Variants in DYNLT1 observed in about 807,000 individuals in gnomAD.
DYNLT1 encodes T-complex testis-specific protein 1 homolog.
In DYNLT1, 18 loss-of-function variants were observed where a neutral mutation model predicts 19.6. That is an observed-to-expected ratio of 0.92 (90% CI 0.64 to 1.36). DYNLT1 has a LOEUF of 1.36. Among genes scored for constraint, DYNLT1 ranks in the 40% most tolerant of loss-of-function variants. The pLI, the probability that DYNLT1 is intolerant of heterozygous loss-of-function variation, is 0.00. For missense variants in DYNLT1, 137 were observed against 139.3 expected (o/e 0.98, Z 0.08); for synonymous variants, 56 against 44.0 (o/e 1.27, Z -1.07).
Position 158,641,335 on chromosome 6 carries a change from CTCACT to C in DYNLT1, c.48_52del (p.Val17GlnfsTer14). 6.3e-7 allele frequency: 1 copy of C among 1,597,394 alleles called. No individual in the cohort carries two copies. ...TCCTCTTACCTCTTTTACAATGTTG[CTCACT>C]TCATCAACAACAAAAGCAGTCTGTA... On this transcript the variant is annotated frameshift_variant, in exon 2 of 5. Coordinates refer to ENST00000367089, the MANE Select transcript of DYNLT1 (RefSeq NM_006519.4). LOFTEE classifies it high-confidence loss of function.
At position 158,644,724 on chromosome 6, in the gene DYNLT1, T is replaced by G. The variant is rs951143108; in HGVS notation, c.-16A>C. 1.9e-6 allele frequency: 3 copies of G among 1,610,628 alleles called. No individual in the cohort carries two copies. The highest frequency in any genetic ancestry group is 2.5e-6 in the Non-Finnish European group (3 of 1,179,648). On this transcript the variant is annotated 5_prime_UTR_variant, in exon 1 of 5. Transcript: ENST00000367089. ...AGTCTTCCATCTTTCCTCCGGCGCG[T>G]CCCCTCCGGCTCCCTGAGTGGCGCG...
intron 2 of DYNLT1, among the ~76,000 whole-genome samples, chr6:158,641,090 T>G (rs1208775057): frequency 6.6e-6 from 1 of 152,250 alleles, no homozygotes; most frequent in Non-Finnish European, 1.5e-5. Context: ...ATCTTGGTGA[T>G]ATGCAGTAAT....
chr6:158,638,466 C>G (rs1193730735), intron 2 of DYNLT1, among the ~76,000 whole-genome samples: 1 of 152,034 alleles, frequency 6.6e-6, no homozygotes, highest in Non-Finnish European at 1.5e-5. Context: ...GTCATGTTGC[C>G]CAGGCTGGAG....
chr6:158,644,718 G>A lies in DYNLT1; in HGVS notation c.-10C>T, dbSNP rs201989338. 1.9e-6 allele frequency: 3 copies of A among 1,611,122 alleles called. No homozygotes were observed. The highest frequency in any genetic ancestry group is 2.2e-5 in the East Asian group (1 of 44,854). On this transcript the variant is annotated 5_prime_UTR_variant, in exon 1 of 5. Transcript: ENST00000367089. ...CCTGGTAGTCTTCCATCTTTCCTCCGGCGCGTCCCCTCCGGCTCCCTGAGT... is the reference window on the plus strand; with the variant it reads ...CCTGGTAGTCTTCCATCTTTCCTCCAGCGCGTCCCCTCCGGCTCCCTGAGT...
At chr6:158,638,835 C>T (rs1396259347) in intron 2 of DYNLT1, among the ~76,000 whole-genome samples, 3 of 152,110 alleles carry the variant, frequency 2.0e-5, no homozygotes, top group Admixed American at 6.6e-5. Context: ...AGCTCATTGT[C>T]GCTGCTCTTG....
intron 2 of DYNLT1, among the ~76,000 whole-genome samples, chr6:158,640,271 T>C (rs1189530979): frequency 1.3e-5 from 2 of 152,244 alleles, no homozygotes; most frequent in African/African-American, 4.8e-5. Context: ...TGGATACTGA[T>C]CACAAACATA....
chr6:158,636,489 T>A lies in DYNLT1; in HGVS notation c.*338A>T, dbSNP rs1051063488. ...CACAACAGACTTTAGATTTGAATAATTTATTCTAACAAAAGTATAAAGTAT... is the reference window on the plus strand; with the variant it reads ...CACAACAGACTTTAGATTTGAATAAATTATTCTAACAAAAGTATAAAGTAT... On this transcript the variant is annotated 3_prime_UTR_variant, in exon 5 of 5. Transcript: ENST00000367089. 1.5e-5 allele frequency: 4 copies of A among 270,090 alleles called. No individual in the cohort carries two copies. Among genetic ancestry groups the A allele is most frequent in the Non-Finnish European group, 2.9e-5 (4 of 136,408 alleles). 16.7% of individuals were successfully genotyped at this position (270,090 alleles called of 1,614,324 possible).
At chr6:158,644,252 A>G (rs896756994) in intron 1 of DYNLT1, among the ~76,000 whole-genome samples, 48 of 151,752 alleles carry the variant, frequency 3.2e-4, no homozygotes, top group Non-Finnish European at 6.2e-4. Flanking sequence ...GAGACGTCCA[A>G]GCCTCGGCGC....
rs112892722 is a variant in DYNLT1, at chr6:158,640,883, T to A, written c.69+436A>T. Among the ~76,000 whole-genome samples, 330 of 152,300 alleles carry A rather than the reference T, an allele frequency of 2.2e-3. 2 individuals are homozygous for A. Among genetic ancestry groups the A allele is most frequent in the African/African-American group, 7.5e-3 (311 of 41,568 alleles). Reference sequence around the variant, plus strand: ...TCCCTTCTGTCTCTCTTCCTCTTCATGATCAACAACACAATAAAGTGTGAA... The same window carrying A: ...TCCCTTCTGTCTCTCTTCCTCTTCAAGATCAACAACACAATAAAGTGTGAA... On this transcript the variant is annotated intron_variant, in intron 2 of 4. Transcript: ENST00000367089.
At chr6:158,640,129 C>T (rs1047002525) in intron 2 of DYNLT1, among the ~76,000 whole-genome samples, 3 of 152,158 alleles carry the variant, frequency 2.0e-5, no homozygotes, top group African/African-American at 7.2e-5. Flanking sequence ...CTTCCTGCCC[C>T]CTGCTGTGTT....
At position 158,644,230 on chromosome 6, in the gene DYNLT1, C is replaced by A. The variant is rs372849170; in HGVS notation, c.27+452G>T. On this transcript the variant is annotated intron_variant, in intron 1 of 4. Coordinates refer to ENST00000367089, the MANE Select transcript of DYNLT1 (RefSeq NM_006519.4). ...GGGCTGGCGGCGGGAGCGTCACCCG[C>A]ACCTCCGCGGGGAGACGTCCAAGCC... Among the ~76,000 whole-genome samples the A allele has an allele frequency of 5.9e-5, 9 of 152,044 alleles. No homozygotes were observed. The East Asian group carries it at 1.8e-3, about 30-fold the overall frequency.
In DYNLT1 at chr6:158,636,628, C is replaced by T; in HGVS notation, c.*199G>A. The T allele has an allele frequency of 1.8e-6, 1 of 546,264 alleles. No individual in the cohort carries two copies. Among genetic ancestry groups the T allele is most frequent in the South Asian group, 2.5e-5 (1 of 40,674 alleles). 33.8% of individuals were successfully genotyped at this position (546,264 alleles called of 1,614,324 possible). On this transcript the variant is annotated 3_prime_UTR_variant, in exon 5 of 5. Transcript: ENST00000367089. Reference sequence around the variant, plus strand: ...TTCAGAGTTAAGACAAGTGGCAACGCAGGCTGCAGGTGACCTACAGGGATA... The same window carrying T: ...TTCAGAGTTAAGACAAGTGGCAACGTAGGCTGCAGGTGACCTACAGGGATA...
chr6:158,642,572 A>AG (rs11427123), intron 1 of DYNLT1: 91,698 of 150,742 alleles, frequency 0.61, 28,048 homozygotes, highest in African/African-American at 0.69. Flanking sequence ...CTTTCTTTTT[A>AG]GGGGGTTCAG....
chr6:158,637,256 G>A (rs1419512972), intron 3 of DYNLT1, 51 bp from the exon 4 acceptor site: 1 of 1,530,474 alleles, frequency 6.5e-7, no homozygotes, highest in Non-Finnish European at 9.0e-7. Flanking sequence ...TAACACAAAT[G>A]TCATTCTGTC....
At chr6:158,642,574 G>GC (rs113844504) in intron 1 of DYNLT1, 6,190 of 151,944 alleles carry the variant, frequency 0.041, 283 homozygotes, top group African/African-American at 0.11. Context: ...TTCTTTTTAG[G>GC]GGGTTCAGGA....
rs148802235 is a variant in DYNLT1, at chr6:158,641,216, C to T, written c.69+103G>A. On this transcript the variant is annotated intron_variant, in intron 2 of 4. Coordinates refer to ENST00000367089, the MANE Select transcript of DYNLT1 (RefSeq NM_006519.4). ...AAAACTGTTATTTGAAACACCAAAA[C>T]ACACAGACTCAGTCGAAACAATTCC... 18 of 1,085,140 alleles carry T rather than the reference C, an allele frequency of 1.7e-5. No homozygotes were observed. In the East Asian group the frequency reaches 5.1e-4, roughly 31 times the overall value. The allele number at this position is 1,085,140 out of a possible 1,614,324, so 67.2% of individuals were successfully genotyped here.
In DYNLT1 at chr6:158,641,306, T is replaced by C; in HGVS notation, c.69+13A>G. 4 of 1,588,848 alleles carry C rather than the reference T, an allele frequency of 2.5e-6. No homozygotes were observed. The highest frequency in any genetic ancestry group is 3.4e-6 in the Non-Finnish European group (4 of 1,171,422). On this transcript the variant is annotated intron_variant, in intron 2 of 4. Coordinates refer to ENST00000367089, the MANE Select transcript of DYNLT1 (RefSeq NM_006519.4). ...CCATTAAACATTTAAGAAGTGAGCA[T>C]TTCTCCTCTTACCTCTTTTACAATG...
chr6:158,641,813 C>G (rs1435133625), intron 1 of DYNLT1: 1 of 152,472 alleles, frequency 6.6e-6, no homozygotes, highest in Admixed American at 6.5e-5. Flanking sequence ...CTCAGGTGAT[C>G]CTCCCGCCTC....
chr6:158,637,749 A>G (rs1787045268), intron 3 of DYNLT1, 22 bp downstream of exon 3: 3 of 1,614,110 alleles, frequency 1.9e-6, no homozygotes, highest in East Asian at 2.2e-5. Flanking sequence ...CCGCAAATAT[A>G]AAAGAAACAA....
Sources: allele counts gnomAD v4.1 joint callset (sites outside exome capture counted in the v4.1 genomes callset), GRCh38; gene constraint gnomAD v4.1.1; transcripts MANE v1.5; gene names NCBI Gene and HGNC (gene_info 2026-07-23, HGNC 2026-07-21).